Variants in CADPS2 observed in about 807,000 individuals in gnomAD.
The protein encoded by CADPS2 is calcium-dependent secretion activator 2.
CADPS2 carries 93 observed loss-of-function variants against 172.5 expected under a neutral mutation model. The ratio of observed to expected loss-of-function variants is 0.54; its 90% CI spans 0.46 to 0.64. CADPS2 has a LOEUF of 0.64. Ranked by LOEUF, CADPS2 falls within the 30% of genes least tolerant of loss-of-function variation. The pLI is 0.00. For missense variants in CADPS2, 1,420 were observed against 1,565.9 expected, an observed-to-expected ratio of 0.91 and a Z score of 1.57; for synonymous variants, 546 against 555.2, an observed-to-expected ratio of 0.98 and a Z score of 0.23.
At chr7:122,637,034 T>C (rs2077132552) in intron 3 of CADPS2, among the ~76,000 whole-genome samples, 1 of 147,406 alleles carries the variant, frequency 6.8e-6, no homozygotes, top group African/African-American at 2.5e-5. Context: ...AAGGGTTTTA[T>C]TTTTTTAAAT....
chr7:122,560,695 C>G lies in CADPS2; in HGVS notation c.1336-6006G>C, dbSNP rs144677363. Among the ~76,000 whole-genome samples the G allele has an allele frequency of 3.3e-3, 502 of 152,280 alleles. 4 individuals are homozygous for G. Among genetic ancestry groups the G allele is most frequent in the African/African-American group, 0.012 (484 of 41,562 alleles). ...CTTTCCAGATAAGTAGAGCCTATCT[C>G]TACAAGAAACCTTGACTTTTTGGGT... On this transcript the variant is annotated intron_variant, in intron 7 of 29. Coordinates refer to ENST00000449022, the MANE Select transcript of CADPS2 (RefSeq NM_017954.11).
rs778963218 is a variant in CADPS2 at position 122,637,208 on chromosome 7, T to TTTTTTTTTTTCTC, written c.787-7881_787-7880insGAGAAAAAAAAAA. 7.8e-4 allele frequency among the ~76,000 whole-genome samples: 49 copies of TTTTTTTTTTTCTC among 62,694 alleles called. 7 individuals carry two copies. Among genetic ancestry groups the TTTTTTTTTTTCTC allele is most frequent in the East Asian group, 3.4e-3 (5 of 1,450 alleles). 41.1% of individuals were successfully genotyped at this position (62,694 alleles called of 152,430 possible). ...TTTTTTTTTTTTTTTTTTTTTTTTT[T>TTTTTTTTTTTCTC]CCTGAGACAGGGTCTCACTCTGTGG... On this transcript the variant is annotated intron_variant, in intron 3 of 29. Transcript: ENST00000449022.
intron 2 of CADPS2, among the ~76,000 whole-genome samples, chr7:122,678,490 G>A (rs986010624): frequency 1.3e-5 from 2 of 152,132 alleles, no homozygotes; most frequent in Admixed American, 6.5e-5. Context: ...TACGTTTTTT[G>A]TAAGGATAAT....
chr7:122,502,019 C>T (rs536291425), intron 9 of CADPS2, among the ~76,000 whole-genome samples: 3 of 151,908 alleles, frequency 2.0e-5, no homozygotes, highest in South Asian at 2.1e-4. Context: ...ACTGTATTCC[C>T]GAATAGCAAG....
intron 24 of CADPS2, chr7:122,386,283 A>C: frequency 7.0e-7 from 1 of 1,429,362 alleles, no homozygotes; most frequent in South Asian, 1.7e-5. Context: ...TAGAAAAAAA[A>C]ATGAGACTTA....
chr7:122,497,206 T>G (rs75188105), intron 9 of CADPS2, among the ~76,000 whole-genome samples: 52,873 of 151,952 alleles, frequency 0.35, 9,475 homozygotes, highest in East Asian at 0.4. Flanking sequence ...TCTCAATTAT[T>G]CTGTGTTATA....
At chr7:122,457,698 C>T (rs28380284) in intron 14 of CADPS2, among the ~76,000 whole-genome samples, 7,840 of 152,120 alleles carry the variant, frequency 0.052, 492 homozygotes, top group African/African-American at 0.15. Flanking sequence ...GACGAGCATC[C>T]GTTCTATTAC....
chr7:122,849,858 G>C (rs1304982848), intron 1 of CADPS2: 1 of 579,378 alleles, frequency 1.7e-6, no homozygotes, highest in Non-Finnish European at 3.4e-6. Context: ...TTTCCTTCTG[G>C]GCAGATCTCA....
chr7:122,801,975 T>C (rs1169915307), intron 1 of CADPS2, among the ~76,000 whole-genome samples: 2 of 152,102 alleles, frequency 1.3e-5, no homozygotes. Flanking sequence ...AATTAAAAAG[T>C]ATTACTTAAA....
At chr7:122,842,867 G>A (rs1295152478) in intron 1 of CADPS2, among the ~76,000 whole-genome samples, 1 of 152,098 alleles carries the variant, frequency 6.6e-6, no homozygotes. Context: ...GCAATGCTTA[G>A]GTTGAGGACA....
chr7:122,451,540 A>G, intron 14 of CADPS2, 65 bp from the exon 15 acceptor site: 1 of 882,592 alleles, frequency 1.1e-6, no homozygotes, highest in Non-Finnish European at 1.7e-6. Flanking sequence ...TATTTTATAC[A>G]TATGTATATT....
intron 1 of CADPS2, among the ~76,000 whole-genome samples, chr7:122,878,834 A>C (rs920453127): frequency 6.6e-6 from 1 of 152,144 alleles, no homozygotes; most frequent in African/African-American, 2.4e-5. Context: ...TCCTCGGAAC[A>C]TATTGGATAG....
chr7:122,520,328 C>T (rs1243240414), intron 8 of CADPS2, among the ~76,000 whole-genome samples: 2 of 150,952 alleles, frequency 1.3e-5, no homozygotes, highest in African/African-American at 4.9e-5. Flanking sequence ...ACATAGTACC[C>T]GGTTGAATGT....
chr7:122,416,859 G>C (rs1039801662), intron 17 of CADPS2, among the ~76,000 whole-genome samples: 5 of 152,192 alleles, frequency 3.3e-5, no homozygotes, highest in Admixed American at 6.5e-5. Context: ...CTGCTACAGA[G>C]AAGGCAAAGT....
chr7:122,349,564 T>G (rs1321038658), intron 27 of CADPS2, among the ~76,000 whole-genome samples: 1 of 151,936 alleles, frequency 6.6e-6, no homozygotes, highest in African/African-American at 2.4e-5. Flanking sequence ...TCTAAAAAAT[T>G]CCCCCATGAG....
intron 12 of CADPS2, among the ~76,000 whole-genome samples, chr7:122,478,580 C>A (rs1249399267): frequency 6.6e-6 from 1 of 152,074 alleles, no homozygotes; most frequent in Admixed American, 6.6e-5. Flanking sequence ...TTATGTAAGT[C>A]AAGCCTAAAA....
chr7:122,709,963 C>T (rs373466142), intron 2 of CADPS2, among the ~76,000 whole-genome samples: 7 of 149,904 alleles, frequency 4.7e-5, no homozygotes, highest in African/African-American at 1.5e-4. Context: ...TGCTAAATGA[C>T]GAGTTAATGG....
intron 2 of CADPS2, among the ~76,000 whole-genome samples, chr7:122,721,702 G>A (rs1337177862): frequency 1.3e-5 from 2 of 151,888 alleles, no homozygotes; most frequent in South Asian, 2.1e-4. Context: ...GGCCAACATT[G>A]TCCTGATACC....
chr7:122,399,155 A>G (rs893376380), intron 20 of CADPS2, among the ~76,000 whole-genome samples: 1 of 152,146 alleles, frequency 6.6e-6, no homozygotes, highest in African/African-American at 2.4e-5. Flanking sequence ...CAGCTGTTAA[A>G]ATGTTTCTTA....
Sources: allele counts gnomAD v4.1 joint callset (sites outside exome capture counted in the v4.1 genomes callset), GRCh38; gene constraint gnomAD v4.1.1; transcripts MANE v1.5; gene names NCBI Gene and HGNC (gene_info 2026-07-23, HGNC 2026-07-21).